RDH12: variants seen among roughly 807,000 people sequenced by gnomAD.
RDH12 encodes retinol dehydrogenase 12.
A neutral mutation model predicts 34.0 loss-of-function variants in RDH12; 21 were observed. That is an observed-to-expected ratio of 0.62 (90% CI 0.44 to 0.89). The LOEUF (loss-of-function observed/expected upper bound fraction) is 0.89, where lower values mean the gene tolerates loss of function less well. Among genes scored for constraint, RDH12 ranks in the 40% least tolerant of loss-of-function variants. RDH12 has a pLI of 0.00. For synonymous variants in RDH12, 198 were observed against 169.9 expected, an observed-to-expected ratio of 1.17 and a Z score of -1.29; for missense variants, 394 against 398.6, an observed-to-expected ratio of 0.99 and a Z score of 0.10.
At chr14:67,717,928 T>A (rs138249156) in intron 1 of RDH12, 1 of 152,262 alleles carries the variant, frequency 6.6e-6, no homozygotes, top group East Asian at 1.9e-4. Context: ...TAGTGCCTGC[T>A]GTGAATTAAG....
intron 1 of RDH12, among the ~76,000 whole-genome samples, chr14:67,718,312 G>C (rs1057249027): frequency 6.6e-6 from 1 of 152,212 alleles, no homozygotes; most frequent in Non-Finnish European, 1.5e-5. Flanking sequence ...GAAGGAGGAA[G>C]GGAGGAAGAG....
chr14:67,712,348 TTTGTTG>T (rs1019925920), intron 1 of RDH12, among the ~76,000 whole-genome samples: 33 of 152,122 alleles, frequency 2.2e-4, no homozygotes, highest in African/African-American at 7.9e-4. Flanking sequence ...ACTTAAAAAT[TTTGTTG>T]TTGTTGTTTT....
Position 67,722,784 on chromosome 14 carries a change from A to AGAAGAGAAAGG in RDH12, c.68+79_68+89dup, listed in dbSNP as rs1170327460. On this transcript the variant is annotated intron_variant, in intron 3 of 8. Coordinates refer to ENST00000551171, the MANE Select transcript of RDH12 (RefSeq NM_152443.3). ...TGGAAGCCGGTTCTCAGCTGCTGAA[A>AGAAGAGAAAGG]GAAGAGAAAGGGAAGGAGGCTGACA... The AGAAGAGAAAGG allele has an allele frequency of 2.4e-6, 3 of 1,247,786 alleles. No homozygotes were observed. The African/African-American group carries it at 4.4e-5, about 18-fold the overall frequency. The allele number at this position is 1,247,786 out of a possible 1,614,324, so 77.3% of individuals were successfully genotyped here.
chr14:67,716,195 T>TG (rs2038068161), intron 1 of RDH12, among the ~76,000 whole-genome samples: 1 of 111,106 alleles, frequency 9.0e-6, no homozygotes, highest in Non-Finnish European at 1.9e-5. Context: ...AGACTCCGTC[T>TG]CAAAAAAAAA....
chr14:67,731,835 T>C (rs995866052), intron 8 of RDH12, among the ~76,000 whole-genome samples: 1 of 151,876 alleles, frequency 6.6e-6, no homozygotes, highest in Non-Finnish European at 1.5e-5. Context: ...TTTTTATTAT[T>C]TAAAAATTTT....
At position 67,729,265 on chromosome 14, in the gene RDH12, T is replaced by C. The variant is rs2038234446; in HGVS notation, c.733T>C (p.Cys245Arg). 6.2e-7 allele frequency: 1 copy of C among 1,607,854 alleles called. No individual in the cohort carries two copies. The highest frequency in any genetic ancestry group is 1.1e-5 in the South Asian group (1 of 91,026). The change falls in exon 8 of 9, where the codon TGC becomes CGC. Residue 245 changes from cysteine to arginine, a missense_variant. By Grantham distance (180) the Cys-to-Arg change is radical. Transcript: ENST00000551171. ...SELVRHSSLL[C>R]LLWRLFSPFV... is the part of the protein sequence containing the mutation. ...GCTGGTCCGGCACTCCTCCCTGCTC[T>C]GCCTGCTCTGGCGGCTCTTCTCCCC...
rs1355504326 is a variant in RDH12 at position 67,734,212 on chromosome 14, T to C, written c.*364T>C. ...CTCAGCTGAGGCAAGAAGAGCACCA[T>C]CACTGCCTATTTCTAGGGGCTATAC... On this transcript the variant is annotated 3_prime_UTR_variant, in exon 9 of 9. Transcript: ENST00000551171. The C allele has an allele frequency of 3.5e-6, 1 of 287,060 alleles. No individual in the cohort carries two copies. Among genetic ancestry groups the C allele is most frequent in the Non-Finnish European group, 6.9e-6 (1 of 144,574 alleles). The allele number at this position is 287,060 out of a possible 1,614,324, so 17.8% of individuals were successfully genotyped here. A position where few individuals can be genotyped will look rare whatever the true frequency, so the allele number is the denominator to read the frequency against.
chr14:67,709,679 G>C (rs2037988953), intron 1 of RDH12, among the ~76,000 whole-genome samples: 1 of 152,186 alleles, frequency 6.6e-6, no homozygotes, highest in African/African-American at 2.4e-5. Context: ...CAGGAATACA[G>C]TTTATTTTGA....
chr14:67,727,495 T>G, intron 7 of RDH12: 1 of 355,118 alleles, frequency 2.8e-6, no homozygotes, highest in Non-Finnish European at 5.4e-6. Flanking sequence ...GTTTTTTTTT[T>G]TTTGAGACTT....
chr14:67,729,363 G>A lies in RDH12; in HGVS notation c.831G>A (p.Leu277=). The part of the protein sequence containing the change: ...HCALAEGLEP[L]SGKYFSDCKR... ...CCCTGGCTGAGGGCCTGGAGCCCCTGAGTGGCAAGTACTTCAGGTGTGTGA... is the reference window on the plus strand; with the variant it reads ...CCCTGGCTGAGGGCCTGGAGCCCCTAAGTGGCAAGTACTTCAGGTGTGTGA... Residue 277 remains leucine, a synonymous_variant, in exon 8 of 9, where the codon CTG becomes CTA. Coordinates refer to ENST00000551171, the MANE Select transcript of RDH12 (RefSeq NM_152443.3). The A allele has an allele frequency of 2.5e-6, 4 of 1,597,814 alleles. No homozygotes were observed. Among genetic ancestry groups the A allele is most frequent in the Non-Finnish European group, 3.4e-6 (4 of 1,179,798 alleles).
rs2037934259 is a variant in RDH12 at position 67,704,783 on chromosome 14, A to G, written c.-275+2848A>G. Among the ~76,000 whole-genome samples, 3 of 152,248 alleles carry G rather than the reference A, an allele frequency of 2.0e-5. No homozygotes were observed. The South Asian group carries it at 6.2e-4, about 32-fold the overall frequency. On this transcript the variant is annotated intron_variant, in intron 1 of 8. Coordinates refer to ENST00000551171, the MANE Select transcript of RDH12 (RefSeq NM_152443.3). The stretch of plus-strand genomic sequence containing the variant: ...ACAAAAGCCCTTATCTTGAATTCAT[A>G]GCAGCAGCTCTCGTTCTGAGACAGT...
At chr14:67,732,124 C>T (rs112597617) in intron 8 of RDH12, among the ~76,000 whole-genome samples, 1 of 110,534 alleles carries the variant, frequency 9.0e-6, no homozygotes, top group Non-Finnish European at 1.8e-5. Flanking sequence ...GAGACTCTGT[C>T]TCAAAAAAAA....
intron 4 of RDH12, 33 bp from the exon 5 acceptor site, chr14:67,725,066 G>T: frequency 1.2e-6 from 2 of 1,613,360 alleles, no homozygotes; most frequent in South Asian, 2.2e-5. Context: ...CCTAGGATAT[G>T]AACATACTGC....
rs771463049 is a variant in RDH12 at position 67,725,222 on chromosome 14, C to G, written c.311C>G (p.Ser104Cys). 1.2e-6 allele frequency: 2 copies of G among 1,613,806 alleles called. No individual in the cohort carries two copies. Among genetic ancestry groups the G allele is most frequent in the Admixed American group, 1.7e-5 (1 of 60,022 alleles). The change falls in exon 5 of 9, where the codon TCT becomes TGT. Residue 104 changes from serine to cysteine, a missense_variant. Ser to Cys is a moderately radical substitution (Grantham distance 112, BLOSUM62 -1). Transcript: ENST00000551171. ...AAATTGGACCTATCCGACACCAAATCTATCCGAGCCTTTGCTGAGGGCTTT... is the reference window on the plus strand; with the variant it reads ...AAATTGGACCTATCCGACACCAAATGTATCCGAGCCTTTGCTGAGGGCTTT... ...VRKLDLSDTK[S>C]IRAFAEGFLA...
At chr14:67,702,606 C>A (rs898966465) in intron 1 of RDH12, among the ~76,000 whole-genome samples, 1 of 152,066 alleles carries the variant, frequency 6.6e-6, no homozygotes, top group Admixed American at 6.5e-5. Flanking sequence ...ATTTATTTTA[C>A]TAATAATTTT....
At chr14:67,727,375 G>A (rs2140146111) in intron 7 of RDH12, 185 bp downstream of exon 7, 1 of 597,366 alleles carries the variant, frequency 1.7e-6, no homozygotes, top group East Asian at 2.8e-5. Context: ...AATCAAATAG[G>A]GGTTAAGAAC....
chr14:67,709,089 C>A (rs903458897), intron 1 of RDH12, among the ~76,000 whole-genome samples: 1 of 151,968 alleles, frequency 6.6e-6, no homozygotes, highest in Non-Finnish European at 1.5e-5. Flanking sequence ...CTGTGCCAGG[C>A]CCAACAATAT....
At chr14:67,724,245 T>C (rs745452623) in intron 3 of RDH12, among the ~76,000 whole-genome samples, 7 of 152,194 alleles carry the variant, frequency 4.6e-5, no homozygotes, top group Admixed American at 1.3e-4. Context: ...ATATGATTAT[T>C]TGTGGCTTCT....
chr14:67,712,783 A>G (rs900725765), intron 1 of RDH12, among the ~76,000 whole-genome samples: 2 of 152,202 alleles, frequency 1.3e-5, no homozygotes, highest in African/African-American at 2.4e-5. Flanking sequence ...AACTTTAGCT[A>G]TTGAACTACA....
Sources: allele counts gnomAD v4.1 joint callset (sites outside exome capture counted in the v4.1 genomes callset), GRCh38; gene constraint gnomAD v4.1.1; transcripts MANE v1.5; gene names NCBI Gene and HGNC (gene_info 2026-07-23, HGNC 2026-07-21).